The following ULK4 variants were observed in gnomAD, a reference collection of about 807,000 sequenced individuals.
ULK4 encodes the protein unc-51 like kinase 4, also known as inactive serine/threonine-protein kinase ULK4.
A neutral mutation model predicts 160.6 loss-of-function variants in ULK4; 133 were observed. The ratio of observed to expected loss-of-function variants is 0.83; its 90% CI spans 0.72 to 0.96. The LOEUF is 0.96. Among genes scored for constraint, ULK4 ranks in the 40% least tolerant of loss-of-function variants. The pLI is 0.00. For missense variants in ULK4, 1,580 were observed against 1,499.5 expected, an observed-to-expected ratio of 1.05 and a Z score of -0.89; for synonymous variants, 534 against 539.8, an observed-to-expected ratio of 0.99 and a Z score of 0.15.
Position 41,754,446 on chromosome 3 carries a change from T to C in ULK4, c.2236A>G (p.Thr746Ala), listed in dbSNP as rs1316087024. 9.9e-6 allele frequency: 16 copies of C among 1,613,722 alleles called. No individual in the cohort carries two copies. The highest frequency in any genetic ancestry group is 3.3e-4 in the Middle Eastern group (2 of 6,056). Residue 746 changes from threonine (T) to alanine (A), a missense_variant, in exon 22 of 37, where the codon ACA becomes GCA. By Grantham distance (58) the Thr-to-Ala change is moderately conservative (BLOSUM62 0). Coordinates refer to ENST00000301831, the MANE Select transcript of ULK4 (RefSeq NM_017886.4). ...AGGAAGGCTTTTGCTCTAATGCATGTTGAGGGGCTGTCAAGTAAACGGATA... is the reference window on the plus strand; with the variant it reads ...AGGAAGGCTTTTGCTCTAATGCATGCTGAGGGGCTGTCAAGTAAACGGATA... ...TIIRLLDSPS[T>A]CIRAKAFLVL...
intron 34 of ULK4, among the ~76,000 whole-genome samples, chr3:41,434,303 C>T (rs1249229416): frequency 6.6e-6 from 1 of 152,084 alleles, no homozygotes; most frequent in Non-Finnish European, 1.5e-5. Flanking sequence ...ATAAGGAATA[C>T]TCAAAGTGTA....
chr3:41,746,726 A>G (rs1460741229), intron 22 of ULK4, among the ~76,000 whole-genome samples: 3 of 151,892 alleles, frequency 2.0e-5, no homozygotes, highest in Admixed American at 1.3e-4. Flanking sequence ...ACTCTGCCCA[A>G]TATTAAGCCT....
At chr3:41,534,806 T>C (rs2086441264) in intron 32 of ULK4, among the ~76,000 whole-genome samples, 1 of 152,204 alleles carries the variant, frequency 6.6e-6, no homozygotes, top group African/African-American at 2.4e-5. Flanking sequence ...ATGCAAGTGC[T>C]CTTTGAGAAT....
intron 35 of ULK4, among the ~76,000 whole-genome samples, chr3:41,369,678 T>C (rs959078979): frequency 6.8e-6 from 1 of 147,588 alleles, no homozygotes; most frequent in East Asian, 2.0e-4. Context: ...CCTGTAATGC[T>C]AGCTACTCAG....
chr3:41,328,440 A>G (rs2080377421), intron 35 of ULK4, among the ~76,000 whole-genome samples: 1 of 152,136 alleles, frequency 6.6e-6, no homozygotes, highest in Admixed American at 6.5e-5. Context: ...AGAGGAGTGG[A>G]GAGTGTAGAA....
rs147510649 is a variant in ULK4 at position 41,895,115 on chromosome 3, A to G, written c.1577+403T>C. Reference sequence around the variant, plus strand: ...TAAGTATTTTATAATCAATACTCAAAACAGTAACAGTTAGCCAGGCACAGT... The same window carrying G: ...TAAGTATTTTATAATCAATACTCAAGACAGTAACAGTTAGCCAGGCACAGT... On this transcript the variant is annotated intron_variant, in intron 16 of 36. Transcript: ENST00000301831. Among the ~76,000 whole-genome samples the G allele has an allele frequency of 4.4e-3, 676 of 152,274 alleles. 3 individuals carry two copies. The highest frequency in any genetic ancestry group is 0.016 in the African/African-American group (653 of 41,542).
chr3:41,940,899 T>A (rs1361954126), intron 2 of ULK4, among the ~76,000 whole-genome samples: 2 of 152,198 alleles, frequency 1.3e-5, no homozygotes, highest in Admixed American at 1.3e-4. Context: ...CTAAGTTGTT[T>A]CGGAGGTTTT....
intron 21 of ULK4, among the ~76,000 whole-genome samples, chr3:41,774,990 C>T (rs1387237032): frequency 5.4e-5 from 8 of 147,256 alleles, no homozygotes; most frequent in Non-Finnish European, 7.4e-5. Context: ...CCAAACACCG[C>T]ATGTTCTCAC....
chr3:41,574,097 T>G (rs1701279378), intron 31 of ULK4, among the ~76,000 whole-genome samples: 1 of 151,816 alleles, frequency 6.6e-6, no homozygotes, highest in African/African-American at 2.4e-5. Context: ...CAGAATTGCT[T>G]GACCTCAAAA....
intron 32 of ULK4, among the ~76,000 whole-genome samples, chr3:41,490,248 T>C (rs1438939369): frequency 2.6e-5 from 4 of 152,300 alleles, no homozygotes; most frequent in African/African-American, 4.8e-5. Context: ...TGACATAATG[T>C]TCCTCCACTG....
intron 31 of ULK4, among the ~76,000 whole-genome samples, chr3:41,596,658 T>C (rs1056087528): frequency 2.6e-5 from 4 of 152,008 alleles, no homozygotes; most frequent in African/African-American, 9.7e-5. Context: ...ATCAAGGTCA[T>C]AAAGGTAGTT....
At chr3:41,645,612 G>C (rs1458824064) in intron 30 of ULK4, among the ~76,000 whole-genome samples, 35 of 151,376 alleles carry the variant, frequency 2.3e-4, no homozygotes, top group East Asian at 2.1e-3. Flanking sequence ...TTACTTCCAA[G>C]TATGTGGTCA....
At chr3:41,455,774 A>G (rs2125871930) in intron 33 of ULK4, among the ~76,000 whole-genome samples, 179 bp from the exon 34 acceptor site, 1 of 152,346 alleles carries the variant, frequency 6.6e-6, no homozygotes, top group East Asian at 1.9e-4. Context: ...TGACATAACA[A>G]GGAGTGTAGA....
intron 35 of ULK4, among the ~76,000 whole-genome samples, chr3:41,334,709 G>C (rs1169984158): frequency 6.6e-6 from 1 of 152,198 alleles, no homozygotes; most frequent in Non-Finnish European, 1.5e-5. Context: ...CTAGGTCTTT[G>C]AAGTGTACTG....
intron 31 of ULK4, among the ~76,000 whole-genome samples, chr3:41,605,622 A>C (rs1310547094): frequency 6.6e-6 from 1 of 152,014 alleles, no homozygotes; most frequent in Non-Finnish European, 1.5e-5. Context: ...CTGATCCAAA[A>C]GGGGAAATAG....
At chr3:41,648,688 G>T (rs1475795760) in intron 30 of ULK4, among the ~76,000 whole-genome samples, 1 of 152,120 alleles carries the variant, frequency 6.6e-6, no homozygotes, top group East Asian at 1.9e-4. Context: ...CTCTCCACTT[G>T]TGACACTTCT....
At chr3:41,491,586 C>T (rs1177939735) in intron 32 of ULK4, among the ~76,000 whole-genome samples, 2 of 152,046 alleles carry the variant, frequency 1.3e-5, no homozygotes, top group African/African-American at 4.8e-5. Context: ...TAATGAGTAG[C>T]CACAAAATAA....
chr3:41,925,170 G>A (rs796714206), intron 5 of ULK4, among the ~76,000 whole-genome samples: 17 of 152,278 alleles, frequency 1.1e-4, no homozygotes, highest in African/African-American at 3.8e-4. Flanking sequence ...AATGAAGAAG[G>A]CAGGTGACTT....
chr3:41,377,269 C>A lies in ULK4; in HGVS notation c.3678+20810G>T, dbSNP rs192459147. Among the ~76,000 whole-genome samples, 362 of 152,276 alleles carry A rather than the reference C, an allele frequency of 2.4e-3. 2 individuals carry two copies. The highest frequency in any genetic ancestry group is 0.014 in the East Asian group (75 of 5,184). On this transcript the variant is annotated intron_variant, in intron 35 of 36. Transcript: ENST00000301831. ...CACGTTAGATCTAAAACCATAAAAACCCTAGAAGAAAACCTAGGCATTACC... is the reference window on the plus strand; with the variant it reads ...CACGTTAGATCTAAAACCATAAAAAACCTAGAAGAAAACCTAGGCATTACC...
Sources: gnomAD v4.1 joint callset for allele counts (sites outside exome capture counted in the v4.1 genomes callset) on GRCh38, gnomAD v4.1.1 for gene constraint, MANE v1.5 for transcripts, NCBI Gene and HGNC (gene_info 2026-07-23, HGNC 2026-07-21) for gene names.